GLYR1: variants seen among roughly 807,000 people sequenced by gnomAD.
The protein encoded by GLYR1 is glyoxylate reductase 1 homolog.
GLYR1 carries 21 observed loss-of-function variants against 72.7 expected under a neutral mutation model. That is an observed-to-expected ratio of 0.29 (90% CI 0.20 to 0.42). The LOEUF (loss-of-function observed/expected upper bound fraction) is 0.42. Among genes scored for constraint, GLYR1 ranks in the 10% least tolerant of loss-of-function variants. The probability of loss-of-function intolerance (pLI) is 1.00; values close to 1 mark genes in which losing one functional copy is unlikely to be tolerated. For synonymous variants in GLYR1, 392 were observed against 270.2 expected (o/e 1.45, Z -4.42); for missense variants, 594 against 712.1 (o/e 0.83, Z 1.89).
intron 4 of GLYR1, 71 bp downstream of exon 4, chr16:4,832,703 T>A (rs2084875904): frequency 1.3e-6 from 2 of 1,491,916 alleles, no homozygotes; most frequent in Non-Finnish European, 9.0e-7. Flanking sequence ...TTGGGTGACA[T>A]TTAATCTGTT....
Position 4,841,457 on chromosome 16 carries a change from C to CAAAAAAA in GLYR1, c.155+3610_155+3616dup, listed in dbSNP as rs1160441336. On this transcript the variant is annotated intron_variant, in intron 3 of 15. Coordinates refer to ENST00000321919, the MANE Select transcript of GLYR1 (RefSeq NM_032569.4). ...GAAACATGGCGAGAACTTGTCTCTA[C>CAAAAAAA]AAAAAAAAAAAAAAAAAAAAAAAAA... Among the ~76,000 whole-genome samples the CAAAAAAA allele has an allele frequency of 3.2e-3, 102 of 31,862 alleles. 9 individuals are homozygous for CAAAAAAA. The highest frequency in any genetic ancestry group is 5.4e-3 in the African/African-American group (49 of 9,096). The allele number at this position is 31,862 out of a possible 152,430, so 20.9% of individuals were successfully genotyped here. A position where few individuals can be genotyped will look rare whatever the true frequency, so the allele number is the denominator to read the frequency against.
chr16:4,843,008 G>A (rs1413443150), intron 3 of GLYR1, among the ~76,000 whole-genome samples: 2 of 151,866 alleles, frequency 1.3e-5, no homozygotes, highest in Admixed American at 6.6e-5. Context: ...CCATCATTGT[G>A]CACATCATCT....
At chr16:4,836,038 A>G (rs901760846) in intron 3 of GLYR1, among the ~76,000 whole-genome samples, 4 of 152,104 alleles carry the variant, frequency 2.6e-5, no homozygotes, top group African/African-American at 4.8e-5. Context: ...AACTCAAGTA[A>G]TCTGCCCACT....
intron 1 of GLYR1, chr16:4,846,815 G>T: frequency 3.7e-6 from 1 of 268,350 alleles, no homozygotes. Flanking sequence ...CGGCTGCATC[G>T]CAACCTGGGC....
chr16:4,838,728 A>G (rs1342620985), intron 3 of GLYR1, among the ~76,000 whole-genome samples: 1 of 151,998 alleles, frequency 6.6e-6, no homozygotes, highest in African/African-American at 2.4e-5. Flanking sequence ...CTGGGACTAC[A>G]GGTGCCCGCC....
intron 15 of GLYR1, among the ~76,000 whole-genome samples, chr16:4,809,110 C>A (rs561050481): frequency 1.3e-5 from 2 of 149,448 alleles, no homozygotes; most frequent in South Asian, 2.1e-4. Flanking sequence ...ATAATTTAGA[C>A]ATAAATAAGA....
At chr16:4,807,411 C>G (rs1182669597) in intron 15 of GLYR1, among the ~76,000 whole-genome samples, 1 of 152,066 alleles carries the variant, frequency 6.6e-6, no homozygotes, top group African/African-American at 2.4e-5. Flanking sequence ...CCGTGCCCAG[C>G]TGAAACTGGA....
intron 3 of GLYR1, among the ~76,000 whole-genome samples, chr16:4,844,513 T>C (rs1368749476): frequency 2.0e-5 from 3 of 152,236 alleles, no homozygotes; most frequent in East Asian, 3.9e-4. Flanking sequence ...GGCTCACGCC[T>C]ATAATCCAGC....
At chr16:4,839,070 G>A (rs545113345) in intron 3 of GLYR1, among the ~76,000 whole-genome samples, 16 of 152,204 alleles carry the variant, frequency 1.1e-4, no homozygotes, top group African/African-American at 3.9e-4. Flanking sequence ...CTGTGTTTCA[G>A]CCTTCGGATA....
intron 1 of GLYR1, 106 bp from the exon 2 acceptor site, chr16:4,846,316 A>C (rs2086054433): frequency 5.5e-6 from 7 of 1,266,758 alleles, no homozygotes; most frequent in Middle Eastern, 1.9e-4. Context: ...TGGCATCCTC[A>C]AATGCCGAAA....
chr16:4,808,970 T>TA (rs1407332194), intron 15 of GLYR1, among the ~76,000 whole-genome samples: 2 of 151,910 alleles, frequency 1.3e-5, no homozygotes, highest in Non-Finnish European at 2.9e-5. Context: ...GTCTCAAATA[T>TA]AAAAAAAGTG....
intron 3 of GLYR1, 148 bp from the exon 4 acceptor site, chr16:4,833,060 A>G (rs2084896377): frequency 1.6e-6 from 1 of 624,692 alleles, no homozygotes; most frequent in Non-Finnish European, 2.6e-6. Flanking sequence ...ACATGCTATC[A>G]ACCATCTCAG....
chr16:4,819,353 G>A (rs931643324), intron 9 of GLYR1, among the ~76,000 whole-genome samples: 1 of 152,010 alleles, frequency 6.6e-6, no homozygotes, highest in Non-Finnish European at 1.5e-5. Flanking sequence ...TGTCTCCCAG[G>A]CTGGAGTGCA....
At chr16:4,810,699 T>TAAA (rs551202037) in intron 15 of GLYR1, among the ~76,000 whole-genome samples, 1,496 of 21,800 alleles carry the variant, frequency 0.069, 350 homozygotes, top group Non-Finnish European at 0.078. Context: ...CTGTCTCTAC[T>TAAA]AAAAAAAAAA....
intron 3 of GLYR1, among the ~76,000 whole-genome samples, chr16:4,834,960 C>T (rs2085038741): frequency 6.6e-6 from 1 of 152,084 alleles, no homozygotes. Flanking sequence ...TCAGACCCAG[C>T]CCCAAAAGCC....
In GLYR1 at chr16:4,847,215, C is replaced by G; in HGVS notation, c.38+13G>C. The G allele has an allele frequency of 1.2e-6, 2 of 1,602,102 alleles. No homozygotes were observed. Among genetic ancestry groups the G allele is most frequent in the East Asian group, 2.3e-5 (1 of 44,232 alleles). On this transcript the variant is annotated intron_variant, in intron 1 of 15. Transcript: ENST00000321919. ...CCCGGCGCGTCTCGGTTGGCCCGGC[C>G]GCTCGGACTCACCACACCAAGTCGC...
intron 9 of GLYR1, among the ~76,000 whole-genome samples, chr16:4,820,842 T>C (rs2083967816): frequency 6.6e-6 from 1 of 152,188 alleles, no homozygotes; most frequent in Non-Finnish European, 1.5e-5. Context: ...ATGTCCAGGA[T>C]CGCCCCACCC....
At chr16:4,813,533 G>A (rs556444410) in intron 12 of GLYR1, among the ~76,000 whole-genome samples, 1 of 152,344 alleles carries the variant, frequency 6.6e-6, no homozygotes, top group South Asian at 2.1e-4. Flanking sequence ...GCCCATCCCA[G>A]CCATGCAGCG....
chr16:4,829,350 G>A (rs532979502), intron 5 of GLYR1, among the ~76,000 whole-genome samples: 1 of 152,094 alleles, frequency 6.6e-6, no homozygotes, highest in East Asian at 1.9e-4. Flanking sequence ...CTGTTGCCCA[G>A]GCTGGAGTGC....
Sources: allele counts gnomAD v4.1 joint callset (sites outside exome capture counted in the v4.1 genomes callset), GRCh38; gene constraint gnomAD v4.1.1; transcripts MANE v1.5; gene names NCBI Gene and HGNC (gene_info 2026-07-23, HGNC 2026-07-21).